The following GABRG3 variants were observed in gnomAD, a reference collection of about 807,000 sequenced individuals.
GABRG3 encodes gamma-aminobutyric acid type A receptor subunit gamma3.
A neutral mutation model predicts 48.8 loss-of-function variants in GABRG3; 25 were observed. The ratio of observed to expected loss-of-function variants is 0.51; its 90% CI spans 0.37 to 0.72. The LOEUF is 0.72. GABRG3 is among the 30% of genes least tolerant of loss of function. The pLI, the probability that GABRG3 is intolerant of heterozygous loss-of-function variation, is 0.00. For synonymous variants in GABRG3, 227 were observed against 217.6 expected (o/e 1.04, Z -0.38); for missense variants, 394 against 577.9 (o/e 0.68, Z 3.26).
At chr15:27,263,562 C>T (rs534542529) in intron 3 of GABRG3, among the ~76,000 whole-genome samples, 1 of 152,204 alleles carries the variant, frequency 6.6e-6, no homozygotes, top group Admixed American at 6.5e-5. Flanking sequence ...TATTTAAAAC[C>T]TTTGTTTTCT....
intron 2 of GABRG3, among the ~76,000 whole-genome samples, chr15:27,009,269 G>A (rs1895644034): frequency 6.6e-6 from 1 of 152,152 alleles, no homozygotes; most frequent in South Asian, 2.1e-4. Flanking sequence ...AATAGGGTGG[G>A]TTGGTCTTGG....
chr15:27,374,586 T>G (rs2140558859), intron 5 of GABRG3, among the ~76,000 whole-genome samples: 1 of 152,316 alleles, frequency 6.6e-6, no homozygotes, highest in South Asian at 2.1e-4. Context: ...TAAGTGTGGG[T>G]TTGTGCAGAG....
intron 5 of GABRG3, among the ~76,000 whole-genome samples, chr15:27,384,552 G>A (rs924191323): frequency 1.6e-4 from 25 of 152,328 alleles, no homozygotes; most frequent in African/African-American, 6.0e-4. Context: ...ATTGACGGAA[G>A]AGTTTAATTC....
chr15:27,001,475 C>A (rs543046897), intron 2 of GABRG3, among the ~76,000 whole-genome samples: 1 of 152,326 alleles, frequency 6.6e-6, no homozygotes, highest in African/African-American at 2.4e-5. Flanking sequence ...CAGTTGTTGG[C>A]CAATGATGGC....
intron 5 of GABRG3, among the ~76,000 whole-genome samples, chr15:27,401,928 C>T (rs1187504668): frequency 6.7e-6 from 1 of 150,272 alleles, no homozygotes. Flanking sequence ...CTGTGTCTGC[C>T]CTAATGCAGA....
At chr15:27,230,737 T>A (rs987672562) in intron 3 of GABRG3, among the ~76,000 whole-genome samples, 5 of 152,166 alleles carry the variant, frequency 3.3e-5, no homozygotes, top group African/African-American at 1.2e-4. Flanking sequence ...ATGCTTCTAT[T>A]GTGATCTACT....
At chr15:27,100,808 T>C (rs1479043451) in intron 3 of GABRG3, among the ~76,000 whole-genome samples, 1 of 152,110 alleles carries the variant, frequency 6.6e-6, no homozygotes, top group East Asian at 1.9e-4. Flanking sequence ...AAACTAAGAA[T>C]AGGGGAAAAC....
At chr15:27,051,344 C>G (rs771223678) in intron 3 of GABRG3, among the ~76,000 whole-genome samples, 6 of 152,144 alleles carry the variant, frequency 3.9e-5, no homozygotes, top group Non-Finnish European at 7.3e-5. Context: ...AATGTCCATC[C>G]AGAAGATAAA....
intron 3 of GABRG3, among the ~76,000 whole-genome samples, chr15:27,256,029 A>AT (rs1890600158): frequency 6.6e-6 from 1 of 152,136 alleles, no homozygotes; most frequent in African/African-American, 2.4e-5. Flanking sequence ...TGCAAATGTG[A>AT]TTGAGTTATG....
At chr15:27,193,025 A>G in intron 3 of GABRG3, among the ~76,000 whole-genome samples, 1 of 152,054 alleles carries the variant, frequency 6.6e-6, no homozygotes, top group African/African-American at 2.4e-5. Context: ...TGTCTGCAGA[A>G]CAGTGGTTTT....
rs1027877143 is a variant in GABRG3 at position 27,293,445 on chromosome 15, T to C, written c.271-33364T>C. ...GGCTCACGCCTGTAATCCCAGCACTTTGAGGGATCACTTGAGGCCAGGAGT... is the reference window on the plus strand; with the variant it reads ...GGCTCACGCCTGTAATCCCAGCACTCTGAGGGATCACTTGAGGCCAGGAGT... On this transcript the variant is annotated intron_variant, in intron 3 of 9. Transcript: ENST00000615808. 7.4e-5 allele frequency among the ~76,000 whole-genome samples: 10 copies of C among 135,534 alleles called. No homozygotes were observed. The South Asian group carries it at 2.2e-3, about 29-fold the overall frequency. 88.9% of individuals were successfully genotyped at this position (135,534 alleles called of 152,430 possible).
At chr15:27,448,222 G>A (rs1054067408) in intron 5 of GABRG3, among the ~76,000 whole-genome samples, 1 of 152,048 alleles carries the variant, frequency 6.6e-6, no homozygotes, top group East Asian at 1.9e-4. Flanking sequence ...AAGGAAAGAC[G>A]ATTTTGTTAT....
chr15:27,392,998 A>G (rs1887182758), intron 5 of GABRG3, among the ~76,000 whole-genome samples: 1 of 152,104 alleles, frequency 6.6e-6, no homozygotes, highest in Non-Finnish European at 1.5e-5. Flanking sequence ...CTCCAATCCT[A>G]GAACTAGCCA....
At chr15:27,047,875 T>C (rs1205164410) in intron 3 of GABRG3, among the ~76,000 whole-genome samples, 1 of 152,228 alleles carries the variant, frequency 6.6e-6, no homozygotes, top group Admixed American at 6.5e-5. Context: ...TTTGGATCTA[T>C]TAAGTTTTAA....
intron 3 of GABRG3, among the ~76,000 whole-genome samples, chr15:27,046,228 G>A (rs1403979003): frequency 6.6e-6 from 1 of 151,936 alleles, no homozygotes; most frequent in Non-Finnish European, 1.5e-5. Flanking sequence ...CGAGTAGCTG[G>A]GATTACAGGC....
chr15:27,146,788 A>T (rs1349596209), intron 3 of GABRG3, among the ~76,000 whole-genome samples: 1 of 152,142 alleles, frequency 6.6e-6, no homozygotes, highest in African/African-American at 2.4e-5. Context: ...ATAACTAAAA[A>T]ATAATGTAGT....
chr15:27,316,471 T>C (rs1483947768), intron 3 of GABRG3, among the ~76,000 whole-genome samples: 1 of 152,032 alleles, frequency 6.6e-6, no homozygotes, highest in Non-Finnish European at 1.5e-5. Flanking sequence ...ACACCATCTT[T>C]GGATAGAAAA....
At chr15:27,105,302 T>C (rs1168016877) in intron 3 of GABRG3, among the ~76,000 whole-genome samples, 1 of 152,036 alleles carries the variant, frequency 6.6e-6, no homozygotes, top group Non-Finnish European at 1.5e-5. Context: ...CTGATGAAAC[T>C]GAAAGAAGAA....
chr15:27,396,753 T>C (rs1887310662), intron 5 of GABRG3, among the ~76,000 whole-genome samples: 1 of 152,182 alleles, frequency 6.6e-6, no homozygotes, highest in South Asian at 2.1e-4. Context: ...AACTGATTAA[T>C]TGATAAACAA....
Sources: allele counts gnomAD v4.1 joint callset (sites outside exome capture counted in the v4.1 genomes callset), GRCh38; gene constraint gnomAD v4.1.1; transcripts MANE v1.5; gene names NCBI Gene and HGNC (gene_info 2026-07-23, HGNC 2026-07-21).